Variants in SENP6 observed in about 807,000 individuals in gnomAD.
The protein encoded by SENP6 is sentrin-specific protease 6.
In SENP6, 41 loss-of-function variants were observed where a neutral mutation model predicts 134.5. The observed-to-expected ratio is 0.30, with a 90% CI of 0.24 to 0.40. The LOEUF is 0.40. Among genes scored for constraint, SENP6 ranks in the 10% least tolerant of loss-of-function variants. SENP6 has a pLI of 1.00. For synonymous variants in SENP6, 395 were observed against 429.8 expected, an observed-to-expected ratio of 0.92 and a Z score of 1.00; for missense variants, 1,248 against 1,312.5, an observed-to-expected ratio of 0.95 and a Z score of 0.76.
intron 7 of SENP6, among the ~76,000 whole-genome samples, chr6:75,648,585 A>G (rs1770629479): frequency 6.6e-6 from 1 of 152,216 alleles, no homozygotes. Flanking sequence ...CATAAAGAGA[A>G]TATTCCAAAC....
Position 75,602,409 on chromosome 6 carries a change from G to C in SENP6, c.-116G>C, listed in dbSNP as rs904456350. 1 of 1,243,370 alleles carries C rather than the reference G, an allele frequency of 8.0e-7. No individual in the cohort carries two copies. 77.0% of individuals were successfully genotyped at this position (1,243,370 alleles called of 1,614,324 possible). On this transcript the variant is annotated 5_prime_UTR_variant, in exon 1 of 24. Transcript: ENST00000447266. Reference sequence around the variant, plus strand: ...GGAGCGCAGCCCGCCTGACGGCTGAGCCCGAGGCCCGCAACCCTGCGGCGT... The same window carrying C: ...GGAGCGCAGCCCGCCTGACGGCTGACCCCGAGGCCCGCAACCCTGCGGCGT...
At chr6:75,700,102 G>A (rs1268284377) in intron 18 of SENP6, among the ~76,000 whole-genome samples, 1 of 151,992 alleles carries the variant, frequency 6.6e-6, no homozygotes, top group African/African-American at 2.4e-5. Context: ...TTGGAGATGG[G>A]GTCTAGCTGT....
chr6:75,713,548 C>T lies in SENP6; in HGVS notation c.2945C>T (p.Pro982Leu). ...CILLMDSLRG[P>L]SRSNVVKILR... is the part of the protein sequence containing the mutation. ...CTACTTATGGACTCACTCCGAGGCC[C>T]TTCTCGGTCAAATGTTGTCAAAATT... The change falls in exon 22 of 24, where the codon CCT (proline) becomes CTT (leucine). Residue 982 changes from proline to leucine, a missense_variant. Physicochemically the swap from Pro to Leu is moderately conservative, Grantham distance 98. Around this residue, in one of 3 missense-constraint regions of SENP6, gnomAD observed 386 missense variants for 395.0 expected, o/e 0.98. Transcript: ENST00000447266. 1.2e-6 allele frequency: 2 copies of T among 1,613,836 alleles called. No homozygotes were observed. Among genetic ancestry groups the T allele is most frequent in the Non-Finnish European group, 1.7e-6 (2 of 1,179,848 alleles).
At chr6:75,618,434 A>G (rs1387690758) in intron 1 of SENP6, among the ~76,000 whole-genome samples, 3 of 152,214 alleles carry the variant, frequency 2.0e-5, no homozygotes, top group Non-Finnish European at 2.9e-5. Context: ...GTCTTTAAAA[A>G]AAAATAATGA....
intron 19 of SENP6, among the ~76,000 whole-genome samples, chr6:75,706,922 G>C (rs778529260): frequency 1.2e-4 from 19 of 152,160 alleles, no homozygotes; most frequent in Non-Finnish European, 2.4e-4. Context: ...TTGCCATGGT[G>C]CATGAAAAAT....
At chr6:75,625,029 A>G (rs900577016) in intron 3 of SENP6, among the ~76,000 whole-genome samples, 15 of 151,514 alleles carry the variant, frequency 9.9e-5, no homozygotes, top group Non-Finnish European at 8.8e-5. Context: ...ATAATGTTAT[A>G]GGTTTGATGA....
intron 1 of SENP6, among the ~76,000 whole-genome samples, chr6:75,608,475 G>A (rs1326137721): frequency 6.7e-6 from 1 of 149,252 alleles, no homozygotes; most frequent in Non-Finnish European, 1.5e-5. Flanking sequence ...AAGAGAGGGA[G>A]GGAGAAAGAA....
At chr6:75,682,228 G>A (rs1773515170) in intron 16 of SENP6, among the ~76,000 whole-genome samples, 2 of 151,780 alleles carry the variant, frequency 1.3e-5, no homozygotes, top group Admixed American at 1.3e-4. Flanking sequence ...TAAAATGTGT[G>A]AAGCAAAAAC....
intron 7 of SENP6, among the ~76,000 whole-genome samples, chr6:75,653,045 T>G (rs772886484): frequency 7.3e-5 from 11 of 151,712 alleles, no homozygotes; most frequent in Non-Finnish European, 1.5e-4. Context: ...TTTTTTTTCT[T>G]TTTTGACGGA....
chr6:75,650,943 C>T (rs994733118), intron 7 of SENP6, among the ~76,000 whole-genome samples: 1 of 152,058 alleles, frequency 6.6e-6, no homozygotes, highest in East Asian at 1.9e-4. Context: ...GTTCTCTTTG[C>T]CTTCTTTATT....
rs1485734139 is a variant in SENP6, at chr6:75,675,620, TTTCA to T, written c.1426+157_1426+160del. 4.4e-6 allele frequency: 3 copies of T among 682,298 alleles called. No individual in the cohort carries two copies. The African/African-American group carries it at 5.5e-5, about 12-fold the overall frequency. 42.3% of individuals were successfully genotyped at this position (682,298 alleles called of 1,614,324 possible). On this transcript the variant is annotated intron_variant, in intron 12 of 23. Transcript: ENST00000447266. Reference sequence around the variant, plus strand: ...TCAAAGGGCATATATCTTGGTGTAATTTCATTCAGAAATATCACAGAACCTAACT... The same window carrying T: ...TCAAAGGGCATATATCTTGGTGTAATTTCAGAAATATCACAGAACCTAACT...
intron 6 of SENP6, among the ~76,000 whole-genome samples, chr6:75,642,241 C>T (rs528890405): frequency 2.6e-5 from 4 of 152,334 alleles, no homozygotes; most frequent in East Asian, 1.9e-4. Context: ...ACAAGATCCC[C>T]GCAGTCCTGT....
At chr6:75,659,467 C>T (rs1771610424) in intron 8 of SENP6, 60 bp downstream of exon 8, 80 of 1,421,226 alleles carry the variant, frequency 5.6e-5, no homozygotes, top group Non-Finnish European at 7.4e-5. Flanking sequence ...ATATTAGTTT[C>T]AGTACTTATT....
At chr6:75,622,537 C>T (rs555593013) in intron 2 of SENP6, among the ~76,000 whole-genome samples, 21 of 152,188 alleles carry the variant, frequency 1.4e-4, no homozygotes, top group African/African-American at 3.4e-4. Context: ...CCAGCCTGGG[C>T]GACAGAGTAA....
intron 5 of SENP6, among the ~76,000 whole-genome samples, chr6:75,638,620 ATATTTTTTTTTTTTT>A (rs1769777503): frequency 6.0e-5 from 2 of 33,168 alleles, no homozygotes; most frequent in Middle Eastern, 0.024. Flanking sequence ...ATATATATAT[ATATTTTTTTTTTTTT>A]TTTTTTTTTT....
chr6:75,678,375 A>G (rs1459925632), intron 14 of SENP6: 1 of 452,738 alleles, frequency 2.2e-6, no homozygotes, highest in Non-Finnish European at 3.9e-6. Context: ...AAGTTGGGAG[A>G]GTATCACTAT....
At chr6:75,669,044 T>C (rs1772467143) in intron 10 of SENP6, among the ~76,000 whole-genome samples, 1 of 152,168 alleles carries the variant, frequency 6.6e-6, no homozygotes, top group Admixed American at 6.5e-5. Context: ...CTCTAACAGG[T>C]TTCTTTAATA....
chr6:75,619,176 A>T (rs1225113406), intron 1 of SENP6, among the ~76,000 whole-genome samples: 1 of 152,116 alleles, frequency 6.6e-6, no homozygotes, highest in Non-Finnish European at 1.5e-5. Flanking sequence ...TTATTTTTGG[A>T]TCTTTTAAAT....
At chr6:75,698,350 TTA>T (rs1382487338) in intron 18 of SENP6, among the ~76,000 whole-genome samples, 2 of 152,236 alleles carry the variant, frequency 1.3e-5, no homozygotes, top group Non-Finnish European at 2.9e-5. Context: ...AACTGTGACC[TTA>T]TGTTTTTCTC....
Sources: gnomAD v4.1 joint callset for allele counts (sites outside exome capture counted in the v4.1 genomes callset) on GRCh38, gnomAD v4.1.1 for gene constraint, gnomAD v4.1.1 regional missense constraint, MANE v1.5 for transcripts, NCBI Gene and HGNC (gene_info 2026-07-23, HGNC 2026-07-21) for gene names.